The following ZCCHC4 variants were observed in gnomAD, a reference collection of about 807,000 sequenced individuals.
ZCCHC4 encodes rRNA N(6)-adenosine-methyltransferase ZCCHC4.
In ZCCHC4, 54 loss-of-function variants were observed where a neutral mutation model predicts 67.7. The ratio of observed to expected loss-of-function variants is 0.80; its 90% CI spans 0.64 to 1.00. ZCCHC4 has a LOEUF of 1.00. Ranked by LOEUF, ZCCHC4 falls within the 50% of genes least tolerant of loss-of-function variation. ZCCHC4 has a pLI of 0.00. For synonymous variants in ZCCHC4, 198 were observed against 213.5 expected (o/e 0.93, Z 0.63); for missense variants, 609 against 617.0 (o/e 0.99, Z 0.14).
chr4:25,356,744 A>G (rs1037702289), intron 8 of ZCCHC4, among the ~76,000 whole-genome samples: 4 of 152,132 alleles, frequency 2.6e-5, no homozygotes, highest in African/African-American at 7.2e-5. Context: ...AAGGTACCGT[A>G]TATTTATTGA....
chr4:25,365,112 T>G lies in ZCCHC4; in HGVS notation c.1352T>G (p.Leu451Arg). ...CATGGCTGCTTTATTTGTGGTGAAC[T>G]GGATCATAAACGCAGTACTTGTCCT... ...PKHGCFICGE[L>R]DHKRSTCPNI... Residue 451 changes from leucine to arginine, a missense_variant, in exon 12 of 13, where the codon CTG becomes CGG. Transcript: ENST00000302874. 6.2e-7 allele frequency: 1 copy of G among 1,614,204 alleles called. No individual in the cohort carries two copies.
intron 3 of ZCCHC4, among the ~76,000 whole-genome samples, chr4:25,328,916 A>G (rs1204140977): frequency 6.6e-5 from 10 of 152,228 alleles, no homozygotes; most frequent in Non-Finnish European, 1.3e-4. Flanking sequence ...GGCCAGGTGC[A>G]GTGGCTCTTG....
intron 8 of ZCCHC4, among the ~76,000 whole-genome samples, chr4:25,357,569 C>T (rs925367534): frequency 2.6e-5 from 4 of 152,142 alleles, no homozygotes; most frequent in African/African-American, 9.7e-5. Context: ...TTAAACTAGA[C>T]AGGGCTGGAG....
At chr4:25,361,763 T>C in intron 8 of ZCCHC4, 96 bp from the exon 9 acceptor site, 1 of 1,251,718 alleles carries the variant, frequency 8.0e-7, no homozygotes, top group Non-Finnish European at 1.1e-6. Context: ...CTTTAACTCA[T>C]ATATTGGCAT....
At chr4:25,340,596 CTTAATA>C (rs1185281916) in intron 5 of ZCCHC4, among the ~76,000 whole-genome samples, 2 of 152,096 alleles carry the variant, frequency 1.3e-5, no homozygotes, top group African/African-American at 4.8e-5. Flanking sequence ...ATATTGCCAT[CTTAATA>C]TTAAGTTGTC....
intron 8 of ZCCHC4, chr4:25,351,975 G>A (rs965356261): frequency 1.1e-5 from 12 of 1,061,886 alleles, no homozygotes; most frequent in Admixed American, 5.2e-5. Flanking sequence ...AGTGTGCTAG[G>A]GTTTAGAGCG....
At chr4:25,333,838 GTTGT>G (rs1012557007) in intron 4 of ZCCHC4, 66 bp from the exon 5 acceptor site, 42 of 1,066,466 alleles carry the variant, frequency 3.9e-5, no homozygotes, top group African/African-American at 3.7e-4. Context: ...TGATGGTTTT[GTTGT>G]TTGTTTGTTT....
chr4:25,315,230 G>A, intron 2 of ZCCHC4, 88 bp from the exon 3 acceptor site: 1 of 1,188,020 alleles, frequency 8.4e-7, no homozygotes. Context: ...TTGAATTTCT[G>A]ACTTCTTGAT....
At chr4:25,332,395 C>T (rs1719229164) in intron 3 of ZCCHC4, among the ~76,000 whole-genome samples, 1 of 151,080 alleles carries the variant, frequency 6.6e-6, no homozygotes, top group South Asian at 2.1e-4. Flanking sequence ...ACATTTCTGA[C>T]TCTCCATGTT....
chr4:25,312,923 G>T lies in ZCCHC4; in HGVS notation c.114G>T (p.Pro38=), dbSNP rs760165212. 3 of 1,612,476 alleles carry T rather than the reference G, an allele frequency of 1.9e-6. No homozygotes were observed. The highest frequency in any genetic ancestry group is 8.5e-7 in the Non-Finnish European group (1 of 1,179,916). Residue 38 remains proline, a synonymous_variant, in exon 1 of 13, where the codon CCG becomes CCT. Transcript: ENST00000302874. ...VLPLDPAVPA[P]LCPHGPTLLF... is the part of the protein sequence containing the mutation. ...CTTTGGATCCTGCCGTCCCCGCCCC[G>T]CTGTGCCCTCACGGTGGGTCAGAGT...
At chr4:25,368,107 G>T (rs1273649506) in intron 12 of ZCCHC4, among the ~76,000 whole-genome samples, 1 of 152,132 alleles carries the variant, frequency 6.6e-6, no homozygotes, top group Non-Finnish European at 1.5e-5. Context: ...AACCCATTAG[G>T]GGATACATTG....
rs180834686 is a variant in ZCCHC4 at position 25,313,985 on chromosome 4, G to A, written c.128-61G>A. 6.9e-4 allele frequency: 736 copies of A among 1,070,476 alleles called. 5 individuals carry two copies. The African/African-American group carries it at 0.011, about 16-fold the overall frequency. 66.3% of individuals were successfully genotyped at this position (1,070,476 alleles called of 1,614,324 possible). On this transcript the variant is annotated intron_variant, in intron 1 of 12. Coordinates refer to ENST00000302874, the MANE Select transcript of ZCCHC4 (RefSeq NM_024936.3). Reference sequence around the variant, plus strand: ...TTTATTTAAGGGCAGCGAAAACTAAGAACTTGACGTAGATGACCATTACTT... The same window carrying A: ...TTTATTTAAGGGCAGCGAAAACTAAAAACTTGACGTAGATGACCATTACTT...
At chr4:25,334,265 T>C (rs1175397304) in intron 5 of ZCCHC4, among the ~76,000 whole-genome samples, 1 of 152,238 alleles carries the variant, frequency 6.6e-6, no homozygotes, top group Non-Finnish European at 1.5e-5. Context: ...TGAATCTCTA[T>C]TGAGTGAGGT....
intron 5 of ZCCHC4, among the ~76,000 whole-genome samples, chr4:25,344,806 C>CTT (rs35047070): frequency 2.1e-5 from 3 of 141,562 alleles, no homozygotes; most frequent in African/African-American, 5.1e-5. Flanking sequence ...ATTTGTATTA[C>CTT]TTTTTTTTTT....
intron 5 of ZCCHC4, among the ~76,000 whole-genome samples, chr4:25,337,413 A>C (rs1401354371): frequency 6.6e-6 from 1 of 152,180 alleles, no homozygotes; most frequent in Non-Finnish European, 1.5e-5. Flanking sequence ...TGGTGGCAGC[A>C]GCTTTAAGTT....
At chr4:25,318,347 C>CT (rs1718388735) in intron 3 of ZCCHC4, among the ~76,000 whole-genome samples, 1 of 87,974 alleles carries the variant, frequency 1.1e-5, no homozygotes, top group Admixed American at 1.3e-4. Flanking sequence ...TTCACTCTCT[C>CT]TCTTTTTTTT....
chr4:25,323,366 C>T (rs1718682489), intron 3 of ZCCHC4, among the ~76,000 whole-genome samples: 3 of 151,750 alleles, frequency 2.0e-5, no homozygotes, highest in Admixed American at 2.0e-4. Context: ...GGTACTGCAG[C>T]AACTTCCAAA....
intron 5 of ZCCHC4, among the ~76,000 whole-genome samples, chr4:25,341,733 A>G (rs1270520501): frequency 1.3e-5 from 2 of 152,238 alleles, no homozygotes; most frequent in Admixed American, 6.5e-5. Flanking sequence ...TCAAAGGTCA[A>G]CTGTACATAT....
intron 5 of ZCCHC4, among the ~76,000 whole-genome samples, chr4:25,337,339 T>C (rs1243990405): frequency 6.6e-6 from 1 of 152,220 alleles, no homozygotes; most frequent in Non-Finnish European, 1.5e-5. Context: ...CCACCTCTCA[T>C]TCTGTCTTTC....
Sources: gnomAD v4.1 joint callset for allele counts (sites outside exome capture counted in the v4.1 genomes callset) on GRCh38, gnomAD v4.1.1 for gene constraint, MANE v1.5 for transcripts, NCBI Gene and HGNC (gene_info 2026-07-23, HGNC 2026-07-21) for gene names.